Variants in BOC observed in about 807,000 individuals in gnomAD.
BOC encodes the protein brother of CDO.
A neutral mutation model predicts 112.0 loss-of-function variants in BOC; 76 were observed. The ratio of observed to expected loss-of-function variants is 0.68; its 90% CI spans 0.56 to 0.82. The LOEUF (loss-of-function observed/expected upper bound fraction) is 0.82. Among genes scored for constraint, BOC ranks in the 40% least tolerant of loss-of-function variants. The pLI is 0.00. For missense variants in BOC, 1,309 were observed against 1,511.7 expected, an observed-to-expected ratio of 0.87 and a Z score of 2.22; for synonymous variants, 580 against 599.8, an observed-to-expected ratio of 0.97 and a Z score of 0.48.
chr3:113,223,437 A>G (rs1389765595), intron 2 of BOC, among the ~76,000 whole-genome samples: 2 of 152,188 alleles, frequency 1.3e-5, no homozygotes, highest in Non-Finnish European at 2.9e-5. Context: ...TGATGAGCCA[A>G]TACTGACACA....
chr3:113,239,546 C>T (rs1301800953), intron 2 of BOC, among the ~76,000 whole-genome samples: 1 of 152,246 alleles, frequency 6.6e-6, no homozygotes, highest in East Asian at 1.9e-4. Flanking sequence ...GCCATTCAGG[C>T]TCCTTCCATG....
Position 113,211,906 on chromosome 3 carries a change from C to T in BOC, c.-280C>T, listed in dbSNP as rs556644628. The T allele has an allele frequency of 6.6e-6, 1 of 152,296 alleles. No individual in the cohort carries two copies. The highest frequency in any genetic ancestry group is 1.9e-4 in the East Asian group (1 of 5,170). The allele number at this position is 152,296 out of a possible 1,614,324, so 9.4% of individuals were successfully genotyped here. On this transcript the variant is annotated 5_prime_UTR_variant, in exon 1 of 20. Coordinates refer to ENST00000682979, the MANE Select transcript of BOC (RefSeq NM_001378074.1). The stretch of plus-strand genomic sequence containing the variant: ...CGCCCGTGTTGTGTGTCCCCGGTGT[C>T]ACCGAGCGTGTTGTGTGTCCGTGCG...
At chr3:113,270,745 C>T in intron 5 of BOC, 56 bp from the exon 6 acceptor site, 1 of 1,538,430 alleles carries the variant, frequency 6.5e-7, no homozygotes, top group Non-Finnish European at 8.8e-7. Flanking sequence ...GTGGAAGCTG[C>T]AGAGTGAAGT....
chr3:113,233,965 A>T (rs1418215569), intron 2 of BOC, among the ~76,000 whole-genome samples: 2 of 152,200 alleles, frequency 1.3e-5, no homozygotes, highest in East Asian at 3.8e-4. Flanking sequence ...TCCACTTTGC[A>T]GCCGGAGTCC....
At chr3:113,231,929 C>T (rs1033760071) in intron 2 of BOC, among the ~76,000 whole-genome samples, 1 of 152,196 alleles carries the variant, frequency 6.6e-6, no homozygotes, top group African/African-American at 2.4e-5. Flanking sequence ...ATAGAAGGCT[C>T]TCTGCTCTCA....
chr3:113,278,601 A>C lies in BOC; in HGVS notation c.1706-72A>C. On this transcript the variant is annotated intron_variant, in intron 10 of 19. Coordinates refer to ENST00000682979, the MANE Select transcript of BOC (RefSeq NM_001378074.1). This position sits in a 1 kb window ranked among gnomAD's most constrained non-coding sequence, Gnocchi z 4.2. ...CATGCCGCTTAGCAGAGTCTCAGGCAAAAAGGACTCTGTGGGAGGGAGATC... is the reference window on the plus strand; with the variant it reads ...CATGCCGCTTAGCAGAGTCTCAGGCCAAAAGGACTCTGTGGGAGGGAGATC... 1 of 1,336,682 alleles carries C rather than the reference A, an allele frequency of 7.5e-7. No individual in the cohort carries two copies. The highest frequency in any genetic ancestry group is 2.5e-5 in the East Asian group (1 of 39,626). The allele number at this position is 1,336,682 out of a possible 1,614,324, so 82.8% of individuals were successfully genotyped here.
intron 4 of BOC, among the ~76,000 whole-genome samples, chr3:113,266,033 A>G (rs753449578): frequency 5.9e-5 from 9 of 152,250 alleles, no homozygotes; most frequent in Non-Finnish European, 1.0e-4. Context: ...GATATCACAC[A>G]CAAAACATTA....
At position 113,236,281 on chromosome 3, in the gene BOC, G is replaced by GGT. The variant is rs1302146109; in HGVS notation, c.-81-13440_-81-13439dup. 3.7e-4 allele frequency among the ~76,000 whole-genome samples: 9 copies of GGT among 24,358 alleles called. No homozygotes were observed. In the South Asian group the frequency reaches 6.5e-3, roughly 18 times the overall value. The allele number at this position is 24,358 out of a possible 152,430, so 16.0% of individuals were successfully genotyped here. ...GTGTGTGTGTGTATATATACCCATG[G>GGT]GTATATATATATATATATATATATA... On this transcript the variant is annotated intron_variant, in intron 2 of 19. Coordinates refer to ENST00000682979, the MANE Select transcript of BOC (RefSeq NM_001378074.1).
intron 9 of BOC, among the ~76,000 whole-genome samples, chr3:113,277,838 C>CG (rs1405654023): frequency 1.3e-5 from 2 of 152,224 alleles, no homozygotes; most frequent in African/African-American, 2.4e-5. Context: ...GTCAGGCTGT[C>CG]TGACTTCCCC....
At chr3:113,228,135 C>T (rs758593872) in intron 2 of BOC, among the ~76,000 whole-genome samples, 8 of 152,094 alleles carry the variant, frequency 5.3e-5, no homozygotes, top group South Asian at 2.1e-4. Flanking sequence ...TTCCCAGAGC[C>T]GAGTATTTAA....
At chr3:113,282,156 G>T (rs563261871) in intron 15 of BOC, among the ~76,000 whole-genome samples, 8 of 152,288 alleles carry the variant, frequency 5.3e-5, no homozygotes, top group African/African-American at 1.9e-4. Context: ...GGCCACTGAG[G>T]ATGGTGTGAG....
At chr3:113,246,127 A>G (rs182273836) in intron 2 of BOC, among the ~76,000 whole-genome samples, 249 of 152,376 alleles carry the variant, frequency 1.6e-3, no homozygotes, top group Non-Finnish European at 3.0e-3. Flanking sequence ...TTTCAAAAAC[A>G]TCTGTTTGGA....
At chr3:113,264,931 C>A (rs748849203) in intron 4 of BOC, among the ~76,000 whole-genome samples, 1 of 152,174 alleles carries the variant, frequency 6.6e-6, no homozygotes, top group Non-Finnish European at 1.5e-5. Flanking sequence ...AGCTGGATGT[C>A]CAGCTGGGGT....
At chr3:113,241,195 A>T (rs1396713441) in intron 2 of BOC, among the ~76,000 whole-genome samples, 1 of 152,200 alleles carries the variant, frequency 6.6e-6, no homozygotes, top group African/African-American at 2.4e-5. Flanking sequence ...TGGGATTGAG[A>T]TAGGGCTGGA....
chr3:113,283,720 G>A (rs934693690), intron 16 of BOC, 88 bp downstream of exon 16: 1 of 1,302,676 alleles, frequency 7.7e-7, no homozygotes, highest in Non-Finnish European at 1.1e-6. Flanking sequence ...TGTGTCCATG[G>A]AAAGCTCAAG....
At chr3:113,225,873 G>A (rs553979305) in intron 2 of BOC, among the ~76,000 whole-genome samples, 23 of 152,330 alleles carry the variant, frequency 1.5e-4, no homozygotes, top group Admixed American at 7.2e-4. Context: ...TACCTGGAGA[G>A]GCAGATGATA....
chr3:113,271,278 C>G (rs776116355), intron 6 of BOC: 11 of 504,864 alleles, frequency 2.2e-5, no homozygotes, highest in African/African-American at 1.9e-4. Flanking sequence ...AGCTCAGCAG[C>G]GGACACAGCA....
At position 113,272,671 on chromosome 3, in the gene BOC, C is replaced by T. The variant is rs200570336; in HGVS notation, c.929C>T (p.Ala310Val). 1 of 1,613,912 alleles carries T rather than the reference C, an allele frequency of 6.2e-7. No homozygotes were observed. Among genetic ancestry groups the T allele is most frequent in the East Asian group, 2.2e-5 (1 of 44,828 alleles). ...MADNGVGQPG[A>V]AVILYNVQVF... ...GACAATGGGGTTGGGCAGCCCGGGG[C>T]AGCGGTCATCCTCTACAATGTCCAG... The change falls in exon 7 of 20, where the codon GCA (alanine) becomes GTA (valine). Residue 310 changes from alanine to valine, a missense_variant. Coordinates refer to ENST00000682979, the MANE Select transcript of BOC (RefSeq NM_001378074.1).
At chr3:113,244,447 G>GT (rs1401306438) in intron 2 of BOC, among the ~76,000 whole-genome samples, 2 of 152,068 alleles carry the variant, frequency 1.3e-5, no homozygotes, top group South Asian at 2.1e-4. Flanking sequence ...TCAAACCGTT[G>GT]TTTTTTTTCT....
Sources: gnomAD v4.1 joint callset for allele counts (sites outside exome capture counted in the v4.1 genomes callset) on GRCh38, gnomAD v4.1.1 for gene constraint, Gnocchi (gnomAD v3.1) non-coding constraint, MANE v1.5 for transcripts, NCBI Gene and HGNC (gene_info 2026-07-23, HGNC 2026-07-21) for gene names.